Variants in CDK8 observed in about 807,000 individuals in gnomAD.
CDK8 encodes cyclin dependent kinase 8, also known as cyclin-dependent kinase 8.
In CDK8, 29 loss-of-function variants were observed where a neutral mutation model predicts 71.5. The ratio of observed to expected loss-of-function variants is 0.41; its 90% CI spans 0.30 to 0.55. The LOEUF is 0.55. Ranked by LOEUF, CDK8 falls within the 20% of genes least tolerant of loss-of-function variation. CDK8 has a pLI of 0.37. For synonymous variants in CDK8, 161 were observed against 192.1 expected (o/e 0.84, Z 1.34); for missense variants, 288 against 572.6 (o/e 0.50, Z 5.07).
intron 1 of CDK8, among the ~76,000 whole-genome samples, chr13:26,274,598 ATT>A (rs1872489592): frequency 6.6e-6 from 1 of 151,594 alleles, no homozygotes; most frequent in Non-Finnish European, 1.5e-5. Flanking sequence ...CGCCTGGCTA[ATT>A]TTTTGTATTT....
At chr13:26,290,742 CATTT>C (rs1372732653) in intron 1 of CDK8, among the ~76,000 whole-genome samples, 1 of 152,086 alleles carries the variant, frequency 6.6e-6, no homozygotes, top group African/African-American at 2.4e-5. Context: ...TTAAAGAAGA[CATTT>C]ATTTAGTGTC....
chr13:26,334,850 G>GA (rs980419223), intron 1 of CDK8, among the ~76,000 whole-genome samples: 1 of 151,728 alleles, frequency 6.6e-6, no homozygotes, highest in Non-Finnish European at 1.5e-5. Context: ...GCCACTTTCA[G>GA]AAAAAAAATG....
intron 3 of CDK8, among the ~76,000 whole-genome samples, chr13:26,351,574 A>C (rs772237088): frequency 2.0e-5 from 3 of 152,196 alleles, no homozygotes; most frequent in Non-Finnish European, 2.9e-5. Context: ...TATTTCACTC[A>C]ATGTGATTTC....
At position 26,285,394 on chromosome 13, in the gene CDK8, TA is replaced by T. The variant is rs1283516557; in HGVS notation, c.128+30630del. ...ATGTGATCCATCACATAAACAGAAT[TA>T]AAAACAAAAATCAAAGATCGTATCA... On this transcript the variant is annotated intron_variant, in intron 1 of 12. Coordinates refer to ENST00000381527, the MANE Select transcript of CDK8 (RefSeq NM_001260.3). 3.3e-5 allele frequency among the ~76,000 whole-genome samples: 5 copies of T among 152,136 alleles called. No homozygotes were observed. In the South Asian group the frequency reaches 1.0e-3, roughly 32 times the overall value.
At position 26,316,702 on chromosome 13, in the gene CDK8, C is replaced by T. The variant is rs1472985342; in HGVS notation, c.129-20865C>T. Among the ~76,000 whole-genome samples the T allele has an allele frequency of 2.0e-5, 3 of 152,200 alleles. No homozygotes were observed. The East Asian group carries it at 5.8e-4, about 29-fold the overall frequency. On this transcript the variant is annotated intron_variant, in intron 1 of 12. Transcript: ENST00000381527. ...ACAGACACGCAATAACGAAAAGTAG[C>T]AAACACCAGGGAAGAAGAAGAATCT...
At chr13:26,274,066 AT>A (rs1872456453) in intron 1 of CDK8, among the ~76,000 whole-genome samples, 1 of 152,112 alleles carries the variant, frequency 6.6e-6, no homozygotes, top group Non-Finnish European at 1.5e-5. Context: ...TTTTCATTAC[AT>A]TTAAAATTTT....
chr13:26,354,427 T>G (rs1213006666), intron 4 of CDK8, among the ~76,000 whole-genome samples: 1 of 152,236 alleles, frequency 6.6e-6, no homozygotes, highest in Non-Finnish European at 1.5e-5. Flanking sequence ...GAAACTGACT[T>G]TTTAATTTTA....
At chr13:26,294,735 C>T (rs1873462893) in intron 1 of CDK8, among the ~76,000 whole-genome samples, 1 of 152,084 alleles carries the variant, frequency 6.6e-6, no homozygotes, top group Non-Finnish European at 1.5e-5. Flanking sequence ...GTTCTTTGTT[C>T]ATGATAGTTT....
intron 1 of CDK8, among the ~76,000 whole-genome samples, chr13:26,273,244 G>A (rs1872412278): frequency 6.6e-6 from 1 of 152,152 alleles, no homozygotes; most frequent in Admixed American, 6.5e-5. Context: ...CTCTCAATAT[G>A]TCTGTCCTTA....
intron 1 of CDK8, among the ~76,000 whole-genome samples, chr13:26,323,672 A>C (rs1874895471): frequency 6.6e-6 from 1 of 152,142 alleles, no homozygotes; most frequent in African/African-American, 2.4e-5. Context: ...ATGAAAATAT[A>C]GTTTTGAGTG....
At chr13:26,314,859 TTATATCTGTA>T (rs1874437218) in intron 1 of CDK8, among the ~76,000 whole-genome samples, 1 of 152,348 alleles carries the variant, frequency 6.6e-6, no homozygotes, top group African/African-American at 2.4e-5. Context: ...ATGATACAGA[TTATATCTGTA>T]TGGTCTTTTA....
intron 1 of CDK8, among the ~76,000 whole-genome samples, chr13:26,305,976 A>AT (rs1200789940): frequency 3.3e-5 from 5 of 150,946 alleles, no homozygotes; most frequent in South Asian, 2.1e-4. Flanking sequence ...GTGCCTGGTT[A>AT]TTTTTTTTTA....
intron 4 of CDK8, among the ~76,000 whole-genome samples, chr13:26,372,769 A>C (rs539289355): frequency 2.0e-5 from 3 of 152,170 alleles, no homozygotes; most frequent in Non-Finnish European, 4.4e-5. Flanking sequence ...TAGTCATCTC[A>C]TCTGTAAAAT....
At chr13:26,269,891 C>T (rs1042497052) in intron 1 of CDK8, among the ~76,000 whole-genome samples, 1 of 151,894 alleles carries the variant, frequency 6.6e-6, no homozygotes, top group Admixed American at 6.6e-5. Flanking sequence ...TTTTTTAGAG[C>T]AGGAGAACTT....
intron 1 of CDK8, among the ~76,000 whole-genome samples, chr13:26,268,824 A>G (rs1162977424): frequency 6.6e-6 from 1 of 152,122 alleles, no homozygotes. Context: ...ACCTCCATGC[A>G]GTTTATTTAG....
Position 26,401,721 on chromosome 13 carries a change from T to C in CDK8, c.1269+97T>C. 1.6e-6 allele frequency: 2 copies of C among 1,221,464 alleles called. No individual in the cohort carries two copies. Among genetic ancestry groups the C allele is most frequent in the Non-Finnish European group, 2.4e-6 (2 of 842,928 alleles). 75.7% of individuals were successfully genotyped at this position (1,221,464 alleles called of 1,614,324 possible). A position where few individuals can be genotyped will look rare whatever the true frequency, so the allele number is the denominator to read the frequency against. On this transcript the variant is annotated intron_variant, in intron 12 of 12. Transcript: ENST00000381527. The surrounding 1 kb of genome is among the most constrained non-coding windows in gnomAD (Gnocchi z 4.5). The stretch of plus-strand genomic sequence containing the variant: ...GATTTAATTGAGAAATACTGACGTC[T>C]GTATACCCAGGGAAATACATTAACA...
intron 4 of CDK8, among the ~76,000 whole-genome samples, chr13:26,357,929 AAAACATTCACGG>A (rs1873963391): frequency 1.3e-5 from 2 of 152,238 alleles, no homozygotes; most frequent in South Asian, 4.1e-4. Context: ...CTCATCCAAC[AAAACATTCACGG>A]AAACATTCAG....
At chr13:26,379,497 A>G (rs1211368209) in intron 4 of CDK8, among the ~76,000 whole-genome samples, 1 of 152,196 alleles carries the variant, frequency 6.6e-6, no homozygotes, top group African/African-American at 2.4e-5. Flanking sequence ...ATGAAAAGCA[A>G]GAGAGGGATT....
intron 1 of CDK8, among the ~76,000 whole-genome samples, chr13:26,320,847 A>G (rs577860131): frequency 4.6e-5 from 7 of 152,306 alleles, no homozygotes; most frequent in African/African-American, 1.7e-4. Context: ...TAGAATGGCT[A>G]CTATAAAAAA....
Sources: gnomAD v4.1 joint callset for allele counts (sites outside exome capture counted in the v4.1 genomes callset) on GRCh38, gnomAD v4.1.1 for gene constraint, Gnocchi (gnomAD v3.1) non-coding constraint, MANE v1.5 for transcripts, NCBI Gene and HGNC (gene_info 2026-07-23, HGNC 2026-07-21) for gene names.